The following APMAP variants were observed in gnomAD, a reference collection of about 807,000 sequenced individuals.
The protein encoded by APMAP is adipocyte plasma membrane-associated protein.
Under a neutral mutation model 43.6 loss-of-function variants are expected in APMAP, and 33 were observed. The ratio of observed to expected loss-of-function variants is 0.76; its 90% confidence interval spans 0.57 to 1.01. The LOEUF is 1.01. Among genes scored for constraint, APMAP ranks in the 50% least tolerant of loss-of-function variants. The probability of loss-of-function intolerance (pLI) is 0.00; values close to 1 mark genes in which losing one functional copy is unlikely to be tolerated. For synonymous variants in APMAP, 224 were observed against 216.7 expected (o/e 1.03, Z -0.30); for missense variants, 498 against 540.7 (o/e 0.92, Z 0.78).
intron 1 of APMAP, among the ~76,000 whole-genome samples, chr20:24,986,987 G>A (rs953527830): frequency 6.6e-6 from 1 of 152,216 alleles, no homozygotes; most frequent in African/African-American, 2.4e-5. Context: ...TACAACAAGT[G>A]ACCTTTCATG....
rs558593472 is a variant in APMAP at position 24,963,122 on chromosome 20, C to A, written c.*691G>T. On this transcript the variant is annotated 3_prime_UTR_variant, in exon 9 of 9. Coordinates refer to ENST00000217456, the MANE Select transcript of APMAP (RefSeq NM_020531.3). The stretch of plus-strand genomic sequence containing the variant: ...CACAGACAAGACGTTACTAAACGGA[C>A]CCCTGCAGTAGGTCCCGAATTGCAG... The A allele has an allele frequency of 6.6e-6, 1 of 152,418 alleles. No individual in the cohort carries two copies. The highest frequency in any genetic ancestry group is 1.5e-5 in the Non-Finnish European group (1 of 68,232). 9.4% of individuals were successfully genotyped at this position (152,418 alleles called of 1,614,324 possible).
intron 2 of APMAP, among the ~76,000 whole-genome samples, chr20:24,980,339 C>T (rs991117638): frequency 6.6e-6 from 1 of 152,248 alleles, no homozygotes; most frequent in Non-Finnish European, 1.5e-5. Flanking sequence ...CTTTAAAGCT[C>T]TCTTCACAGC....
rs1177230825 is a variant in APMAP, at chr20:24,970,190, G to T, written c.713+7C>A. 1 of 1,613,898 alleles carries T rather than the reference G, an allele frequency of 6.2e-7. No individual in the cohort carries two copies. The highest frequency in any genetic ancestry group is 8.5e-7 in the Non-Finnish European group (1 of 1,179,920). ...CAACAAATGGGAGACCTGGAGCAAG[G>T]CCTCACCGCCCGTCATCTGTGCCCT... On this transcript the variant is annotated splice_region_variant and intron_variant, in intron 6 of 8. Transcript: ENST00000217456.
chr20:24,977,110 A>G (rs998257889), intron 3 of APMAP, among the ~76,000 whole-genome samples: 1 of 152,220 alleles, frequency 6.6e-6, no homozygotes, highest in African/African-American at 2.4e-5. Flanking sequence ...CAGTGGATAC[A>G]TGGCATTTGT....
chr20:24,974,003 G>C (rs1249017583), intron 3 of APMAP, among the ~76,000 whole-genome samples: 1 of 152,180 alleles, frequency 6.6e-6, no homozygotes, highest in African/African-American at 2.4e-5. Flanking sequence ...TCAGTGATGA[G>C]AACTGTGAGG....
intron 8 of APMAP, among the ~76,000 whole-genome samples, chr20:24,968,446 C>G (rs1278845239): frequency 6.6e-6 from 1 of 152,082 alleles, no homozygotes; most frequent in Non-Finnish European, 1.5e-5. Context: ...CAGGGGTGGC[C>G]ACACCTGCAG....
chr20:24,972,043 G>C, intron 4 of APMAP, among the ~76,000 whole-genome samples: 1 of 149,164 alleles, frequency 6.7e-6, no homozygotes, highest in East Asian at 2.0e-4. Flanking sequence ...TGTGTAGAGT[G>C]CTCACTGCAG....
intron 8 of APMAP, among the ~76,000 whole-genome samples, chr20:24,968,225 G>C (rs950025795): frequency 4.6e-5 from 7 of 152,216 alleles, no homozygotes; most frequent in Non-Finnish European, 1.0e-4. Context: ...TGGGAAAATG[G>C]CAAGATTTAA....
At chr20:24,978,005 C>A (rs533982040) in intron 3 of APMAP, among the ~76,000 whole-genome samples, 4 of 152,178 alleles carry the variant, frequency 2.6e-5, no homozygotes, top group African/African-American at 9.7e-5. Flanking sequence ...GGCCACTGAC[C>A]GGCCTTGAGA....
Position 24,969,289 on chromosome 20 carries a change from C to G in APMAP, c.849-205G>C, listed in dbSNP as rs6083698. ...GAGGGGAAGTAGGTCAGGGGAGGAC[C>G]AAGGCCCTGCCAGCAGGGGAATGGG... On this transcript the variant is annotated intron_variant, in intron 7 of 8. Coordinates refer to ENST00000217456, the MANE Select transcript of APMAP (RefSeq NM_020531.3). Among the ~76,000 whole-genome samples, 1,108 of 152,276 alleles carry G rather than the reference C, an allele frequency of 7.3e-3. 5 individuals carry two copies. The highest frequency in any genetic ancestry group is 0.031 in the South Asian group (150 of 4,822).
chr20:24,968,412 A>G lies in APMAP; in HGVS notation c.1041+480T>C, dbSNP rs529937134. Among the ~76,000 whole-genome samples the G allele has an allele frequency of 1.2e-4, 19 of 152,296 alleles. No homozygotes were observed. In the Middle Eastern group the frequency reaches 0.014, roughly 109 times the overall value. ...AAGAAGGCAGCAGGGAGCAGGCGGGATGGCAGCTGTGGTGACTAGGTTACA... is the reference window on the plus strand; with the variant it reads ...AAGAAGGCAGCAGGGAGCAGGCGGGGTGGCAGCTGTGGTGACTAGGTTACA... On this transcript the variant is annotated intron_variant, in intron 8 of 8. Transcript: ENST00000217456.
At chr20:24,969,498 C>T in intron 7 of APMAP, 28 bp downstream of exon 7, 2 of 1,590,140 alleles carry the variant, frequency 1.3e-6, no homozygotes, top group Non-Finnish European at 1.7e-6. Context: ...TGGCCAGTAA[C>T]TGATGGCTCA....
intron 8 of APMAP, 105 bp downstream of exon 8, chr20:24,968,787 G>C: frequency 8.6e-7 from 1 of 1,163,866 alleles, no homozygotes; most frequent in Non-Finnish European, 1.2e-6. Context: ...GTCATTCAGA[G>C]CCAAATACTA....
intron 3 of APMAP, among the ~76,000 whole-genome samples, chr20:24,975,869 A>T (rs999559726): frequency 2.6e-5 from 4 of 152,198 alleles, no homozygotes; most frequent in African/African-American, 4.8e-5. Context: ...CCAGAGACAG[A>T]CCCACATAAA....
At chr20:24,975,966 AT>A (rs1229559756) in intron 3 of APMAP, among the ~76,000 whole-genome samples, 1 of 152,354 alleles carries the variant, frequency 6.6e-6, no homozygotes, top group Admixed American at 6.5e-5. Flanking sequence ...GCTGGAACAA[AT>A]TTGTTTGCAT....
rs147898766 is a variant in APMAP at position 24,964,071 on chromosome 20, CTG to C, written c.1042-51_1042-50del. On this transcript the variant is annotated intron_variant, in intron 8 of 8. Transcript: ENST00000217456. ...AAAGTTCACCAGCTGGCCAAGAACA[CTG>C]TGCGCAGATCAACCGTGCCGCCCCC... 1,259 of 1,586,550 alleles carry C rather than the reference CTG, an allele frequency of 7.9e-4. 6 individuals carry two copies. The African/African-American group carries it at 0.015, about 19-fold the overall frequency.
chr20:24,981,373 A>C (rs1336176214), intron 2 of APMAP, among the ~76,000 whole-genome samples: 1 of 152,252 alleles, frequency 6.6e-6, no homozygotes, highest in Non-Finnish European at 1.5e-5. Context: ...GCACTAATGC[A>C]GTAATACTCA....
Position 24,968,916 on chromosome 20 carries a change from G to C in APMAP, c.1017C>G (p.Pro339=). ...FSMLDFLSER[P]WIKRMIFKLF... Reference sequence around the variant, plus strand: ...CCTTAAAAATCATCCTTTTAATCCAGGGTCTCTCAGATAAGAAATCCAGCA... The same window carrying C: ...CCTTAAAAATCATCCTTTTAATCCACGGTCTCTCAGATAAGAAATCCAGCA... The change falls in exon 8 of 9, where the codon CCC becomes CCG. Residue 339 remains proline, a synonymous_variant. Transcript: ENST00000217456. 1 of 1,602,554 alleles carries C rather than the reference G, an allele frequency of 6.2e-7. No homozygotes were observed. Among genetic ancestry groups the C allele is most frequent in the Non-Finnish European group, 8.5e-7 (1 of 1,175,734 alleles).
chr20:24,966,025 G>A (rs1336129099), intron 8 of APMAP, among the ~76,000 whole-genome samples: 1 of 152,192 alleles, frequency 6.6e-6, no homozygotes, highest in Non-Finnish European at 1.5e-5. Flanking sequence ...TGTACTCCCA[G>A]CGTTGTCCCT....
Sources: allele counts gnomAD v4.1 joint callset (sites outside exome capture counted in the v4.1 genomes callset), GRCh38; gene constraint gnomAD v4.1.1; transcripts MANE v1.5; gene names NCBI Gene and HGNC (gene_info 2026-07-23, HGNC 2026-07-21).